Variants in ZNF440 observed in about 807,000 individuals in gnomAD.
ZNF440 encodes zinc finger protein 440.
Under a neutral mutation model 49.7 loss-of-function variants are expected in ZNF440, and 47 were observed. The ratio of observed to expected loss-of-function variants is 0.95; its 90% CI spans 0.75 to 1.21. ZNF440 has a LOEUF of 1.21. Among genes scored for constraint, ZNF440 ranks in the 50% most tolerant of loss-of-function variants. ZNF440 has a pLI of 0.00. For synonymous variants in ZNF440, 255 were observed against 237.7 expected (o/e 1.07, Z -0.67); for missense variants, 703 against 715.0 (o/e 0.98, Z 0.19).
intron 1 of ZNF440, among the ~76,000 whole-genome samples, chr19:11,828,963 C>A (rs892295313): frequency 2.6e-5 from 4 of 152,138 alleles, no homozygotes; most frequent in African/African-American, 9.7e-5. Context: ...GGATTACAGG[C>A]ATGAGCCACC....
Position 11,833,250 on chromosome 19 carries a change from AAT to A in ZNF440, c.*287_*288del. 3 of 823,216 alleles carry A rather than the reference AAT, an allele frequency of 3.6e-6. No individual in the cohort carries two copies. Among genetic ancestry groups the A allele is most frequent in the African/African-American group, 1.7e-5 (1 of 57,870 alleles). The allele number at this position is 823,216 out of a possible 1,614,324, so 51.0% of individuals were successfully genotyped here. ...GGAGAGAAACCCTGTGAATGTAAGA[AAT>A]GTAGAAAAGCATTCCATAATTTCTC... On this transcript the variant is annotated 3_prime_UTR_variant, in exon 4 of 4. Coordinates refer to ENST00000304060, the MANE Select transcript of ZNF440 (RefSeq NM_152357.3).
At chr19:11,830,098 G>GAA in intron 1 of ZNF440, 185 bp from the exon 2 acceptor site, 37 of 1,127,980 alleles carry the variant, frequency 3.3e-5, no homozygotes, top group Non-Finnish European at 3.9e-5. Context: ...CAACAAGAGT[G>GAA]AAAAAAAAAA....
At chr19:11,816,686 A>G (rs538806461) in intron 1 of ZNF440, 3 of 152,376 alleles carry the variant, frequency 2.0e-5, no homozygotes, top group Admixed American at 1.3e-4. Context: ...GGTGGTGTGC[A>G]GTGGCTCTAT....
chr19:11,831,744 C>T lies in ZNF440; in HGVS notation c.568C>T (p.His190Tyr). The T allele has an allele frequency of 6.2e-7, 1 of 1,614,118 alleles. No homozygotes were observed. Among genetic ancestry groups the T allele is most frequent in the Non-Finnish European group, 8.5e-7 (1 of 1,180,008 alleles). Residue 190 changes from histidine to tyrosine, a missense_variant, in exon 4 of 4, where the codon CAC becomes TAC. By Grantham distance (83) the His-to-Tyr change is moderately conservative. Transcript: ENST00000304060. ...TFISHSSVRRHMVMHSGDGPY... is the reference protein window; with the variant it reads ...TFISHSSVRRYMVMHSGDGPY... ...TATTTCCCATTCAAGTGTTCGAAGA[C>T]ACATGGTAATGCACAGTGGGGATGG...
chr19:11,826,754 C>G (rs770686435), intron 1 of ZNF440, among the ~76,000 whole-genome samples: 1 of 151,298 alleles, frequency 6.6e-6, no homozygotes, highest in Non-Finnish European at 1.5e-5. Flanking sequence ...GCCTCTGCCT[C>G]CCGGGTTTAA....
intron 1 of ZNF440, among the ~76,000 whole-genome samples, chr19:11,821,046 A>T (rs1422547364): frequency 6.6e-6 from 1 of 152,266 alleles, no homozygotes; most frequent in Admixed American, 6.5e-5. Context: ...CTGTCAAAAT[A>T]TGCATGCTTC....
intron 1 of ZNF440, among the ~76,000 whole-genome samples, chr19:11,826,720 A>G (rs1180338381): frequency 6.6e-6 from 1 of 150,530 alleles, no homozygotes; most frequent in Admixed American, 6.6e-5. Flanking sequence ...CCGGAGTACA[A>G]TGGTGCGATC....
Position 11,833,603 on chromosome 19 carries a change from T to A in ZNF440, c.*639T>A. 1 of 322,944 alleles carries A rather than the reference T, an allele frequency of 3.1e-6. No homozygotes were observed. Among genetic ancestry groups the A allele is most frequent in the Middle Eastern group, 4.2e-4 (1 of 2,372 alleles). The allele number at this position is 322,944 out of a possible 1,614,324, so 20.0% of individuals were successfully genotyped here. On this transcript the variant is annotated 3_prime_UTR_variant, in exon 4 of 4. Coordinates refer to ENST00000304060, the MANE Select transcript of ZNF440 (RefSeq NM_152357.3). ...GTAAGCAATGTGCAAAAGCCTTTAT[T>A]TCTTCCACTTCTTTTCAATATCATG...
At chr19:11,821,882 A>G (rs1191719719) in intron 1 of ZNF440, among the ~76,000 whole-genome samples, 1 of 152,250 alleles carries the variant, frequency 6.6e-6, no homozygotes, top group Admixed American at 6.5e-5. Context: ...AGCCCATGAC[A>G]TACAGTGCAT....
chr19:11,819,802 C>T (rs939361949), intron 1 of ZNF440, among the ~76,000 whole-genome samples: 1 of 152,214 alleles, frequency 6.6e-6, no homozygotes, highest in African/African-American at 2.4e-5. Flanking sequence ...TTTCATTTCC[C>T]TATAAATTAG....
At chr19:11,823,956 C>T (rs1975829694) in intron 1 of ZNF440, among the ~76,000 whole-genome samples, 2 of 150,560 alleles carry the variant, frequency 1.3e-5, no homozygotes, top group African/African-American at 2.4e-5. Context: ...GAGTGAAACT[C>T]CATCTCAAAA....
intron 1 of ZNF440, among the ~76,000 whole-genome samples, chr19:11,824,587 C>T (rs1975839615): frequency 6.6e-6 from 1 of 151,926 alleles, no homozygotes; most frequent in Admixed American, 6.6e-5. Context: ...ATAGTTAATT[C>T]ACTTTCTTAT....
At position 11,824,016 on chromosome 19, in the gene ZNF440, C is replaced by A. The variant is rs1975830661; in HGVS notation, c.4-6267C>A. On this transcript the variant is annotated intron_variant, in intron 1 of 3. Coordinates refer to ENST00000304060, the MANE Select transcript of ZNF440 (RefSeq NM_152357.3). ...ATTCCAGTGTCGGCAACATGGCAAA[C>A]TTTGCCTATACAAAAAATTACCTCG... 2.7e-5 allele frequency among the ~76,000 whole-genome samples: 4 copies of A among 150,850 alleles called. No individual in the cohort carries two copies. The South Asian group carries it at 8.4e-4, about 32-fold the overall frequency.
rs1225641881 is a variant in ZNF440 at position 11,815,321 on chromosome 19, C to CACACAG, written c.3+876_3+877insGACACA. ...ACACACACACACACACACACACACA[C>CACACAG]ACACAAATTAAATAGGGTCTATGAG... On this transcript the variant is annotated intron_variant, in intron 1 of 3. Transcript: ENST00000304060. Among the ~76,000 whole-genome samples the CACACAG allele has an allele frequency of 2.0e-5, 3 of 151,206 alleles. No homozygotes were observed. In the East Asian group the frequency reaches 5.8e-4, roughly 29 times the overall value.
Position 11,830,608 on chromosome 19 carries a change from G to A in ZNF440, c.131-9G>A, listed in dbSNP as rs181650934. On this transcript the variant is annotated splice_polypyrimidine_tract_variant and intron_variant, in intron 2 of 3. Transcript: ENST00000304060. ...CCTCAGGACTATTTTTTCTGTGTCTGTATTTTAGGAAAAAGGTGGAAAGAC... is the reference window on the plus strand; with the variant it reads ...CCTCAGGACTATTTTTTCTGTGTCTATATTTTAGGAAAAAGGTGGAAAGAC... 12 of 1,612,640 alleles carry A rather than the reference G, an allele frequency of 7.4e-6. No individual in the cohort carries two copies. Among genetic ancestry groups the A allele is most frequent in the African/African-American group, 6.7e-5 (5 of 74,836 alleles).
rs1298826572 is a variant in ZNF440 at position 11,833,380 on chromosome 19, A to G, written c.*416A>G. 2 of 428,326 alleles carry G rather than the reference A, an allele frequency of 4.7e-6. No individual in the cohort carries two copies. The highest frequency in any genetic ancestry group is 9.0e-6 in the Non-Finnish European group (2 of 221,378). The allele number at this position is 428,326 out of a possible 1,614,324, so 26.5% of individuals were successfully genotyped here. ...CTGCCAAGATCCTTTGAATACATGC[A>G]AGAACACACAATGGAGAGAAACCCT... On this transcript the variant is annotated 3_prime_UTR_variant, in exon 4 of 4. Transcript: ENST00000304060.
At chr19:11,830,214 G>A (rs1345336823) in intron 1 of ZNF440, 69 bp from the exon 2 acceptor site, 6 of 1,595,430 alleles carry the variant, frequency 3.8e-6, no homozygotes, top group Admixed American at 3.6e-5. Context: ...GAACTTCTTG[G>A]GAATAGAGTC....
chr19:11,830,898 C>T (rs1975928679), intron 3 of ZNF440, among the ~76,000 whole-genome samples: 1 of 152,152 alleles, frequency 6.6e-6, no homozygotes, highest in African/African-American at 2.4e-5. Flanking sequence ...AGCTTGAGGC[C>T]AGCAGTTCAA....
At position 11,832,935 on chromosome 19, in the gene ZNF440, GA is replaced by G. The variant is rs1975972287; in HGVS notation, c.1761del (p.Glu587AspfsTer3). ...GNPSDLPRTFEFMKGHKHT is the reference protein window; with the variant it reads ...GNPSDLPRTFXFMKGHKHT ...CCCTTCGGATCTGCCCAGAACCTTC[GA>G]ATTCATGAAAGGACACAAACACACA... On this transcript the variant is annotated frameshift_variant, in exon 4 of 4. Transcript: ENST00000304060. LOFTEE classifies it high-confidence loss of function. The G allele has an allele frequency of 3.1e-6, 5 of 1,608,572 alleles. No homozygotes were observed. Among genetic ancestry groups the G allele is most frequent in the Non-Finnish European group, 1.7e-6 (2 of 1,178,506 alleles).
Sources: gnomAD v4.1 joint callset for allele counts (sites outside exome capture counted in the v4.1 genomes callset) on GRCh38, gnomAD v4.1.1 for gene constraint, MANE v1.5 for transcripts, NCBI Gene and HGNC (gene_info 2026-07-23, HGNC 2026-07-21) for gene names.